The following KIAA0040 variants were observed in gnomAD, a reference collection of about 807,000 sequenced individuals.
The protein encoded by KIAA0040 is uncharacterized protein KIAA0040.
In KIAA0040, 10 loss-of-function variants were observed where a neutral mutation model predicts 7.2. The ratio of observed to expected loss-of-function variants is 1.38; its 90% CI spans 0.85 to 2.34. The LOEUF is 2.34. Among genes scored for constraint, KIAA0040 ranks in the 30% most tolerant of loss-of-function variants. KIAA0040 has a pLI of 0.00. For missense variants in KIAA0040, 89 were observed against 108.2 expected (o/e 0.82, Z 0.79); for synonymous variants, 49 against 40.1 (o/e 1.22, Z -0.84).
chr1:175,177,148 C>T (rs1227615567), intron 2 of KIAA0040, among the ~76,000 whole-genome samples: 1 of 152,206 alleles, frequency 6.6e-6, no homozygotes, highest in Non-Finnish European at 1.5e-5. Flanking sequence ...TCTCTGGGCT[C>T]TCCATGATGT....
At chr1:175,168,985 G>A (rs1158166919) in intron 2 of KIAA0040, among the ~76,000 whole-genome samples, 2 of 152,330 alleles carry the variant, frequency 1.3e-5, no homozygotes, top group East Asian at 3.9e-4. Context: ...GAGCCCTGGG[G>A]ATGGCAGAGA....
intron 2 of KIAA0040, among the ~76,000 whole-genome samples, chr1:175,172,913 C>T (rs575996848): frequency 4.3e-4 from 65 of 152,292 alleles, no homozygotes; most frequent in Non-Finnish European, 1.5e-4. Flanking sequence ...CTGTAAAGCA[C>T]TATATTTATT....
At chr1:175,188,382 G>C (rs1432169608) in intron 1 of KIAA0040, among the ~76,000 whole-genome samples, 1 of 152,166 alleles carries the variant, frequency 6.6e-6, no homozygotes, top group East Asian at 1.9e-4. Context: ...TGGCCCTGGG[G>C]ATTGTCTTTC....
intron 2 of KIAA0040, among the ~76,000 whole-genome samples, chr1:175,169,779 T>A (rs1054938629): frequency 5.3e-5 from 8 of 152,128 alleles, no homozygotes; most frequent in African/African-American, 1.9e-4. Context: ...TTAGATACAC[T>A]TCCTTCCCCT....
In KIAA0040 at chr1:175,160,660, G is replaced by T; in HGVS notation, c.*54C>A. Reference sequence around the variant, plus strand: ...TCAGGGGTTCCTGAAATGTCTGTGTGTGGTCAGAAGGAGGCTTAGCCCCAG... The same window carrying T: ...TCAGGGGTTCCTGAAATGTCTGTGTTTGGTCAGAAGGAGGCTTAGCCCCAG... On this transcript the variant is annotated 3_prime_UTR_variant, in exon 4 of 4. Coordinates refer to ENST00000423313, the MANE Select transcript of KIAA0040 (RefSeq NM_014656.3). The T allele has an allele frequency of 6.9e-7, 1 of 1,453,082 alleles. No individual in the cohort carries two copies. Among genetic ancestry groups the T allele is most frequent in the Non-Finnish European group, 9.2e-7 (1 of 1,090,452 alleles). The allele number at this position is 1,453,082 out of a possible 1,614,324, so 90.0% of individuals were successfully genotyped here.
intron 2 of KIAA0040, among the ~76,000 whole-genome samples, chr1:175,175,555 T>C (rs1677153500): frequency 6.6e-6 from 1 of 151,736 alleles, no homozygotes; most frequent in Non-Finnish European, 1.5e-5. Flanking sequence ...TAAATCATGC[T>C]GCTATAAAGA....
intron 1 of KIAA0040, among the ~76,000 whole-genome samples, chr1:175,186,592 T>C (rs1217383013): frequency 6.6e-6 from 1 of 152,212 alleles, no homozygotes; most frequent in Non-Finnish European, 1.5e-5. Context: ...AGGTGTTCTT[T>C]CCATGGCCAG....
At chr1:175,176,935 TGG>T (rs1436177646) in intron 2 of KIAA0040, among the ~76,000 whole-genome samples, 29 of 152,150 alleles carry the variant, frequency 1.9e-4, no homozygotes, top group Non-Finnish European at 2.9e-4. Flanking sequence ...CTGCTTAAGC[TGG>T]GGATTGCAGG....
intron 1 of KIAA0040, among the ~76,000 whole-genome samples, chr1:175,188,512 G>A (rs1046390212): frequency 1.8e-4 from 28 of 152,112 alleles, no homozygotes; most frequent in Admixed American, 1.5e-3. Flanking sequence ...TTATTCACCT[G>A]GAACCCTTCT....
At position 175,160,731 on chromosome 1, in the gene KIAA0040, G is replaced by A. The variant is rs940865120; in HGVS notation, c.283C>T (p.Pro95Ser). The A allele has an allele frequency of 1.9e-6, 3 of 1,548,550 alleles. No individual in the cohort carries two copies. Among genetic ancestry groups the A allele is most frequent in the Non-Finnish European group, 2.6e-6 (3 of 1,146,576 alleles). ...QPKLLQMEKR[P>S]SLPV is the part of the protein sequence containing the mutation. ...CTGCCTAACTAAACAGGCAGTGATG[G>A]TCTCTTCTCCATCTGGAGAAGCTTG... The change falls in exon 4 of 4, where the codon CCA becomes TCA. Residue 95 changes from proline to serine, a missense_variant. By Grantham distance (74) the Pro-to-Ser change is moderately conservative. Transcript: ENST00000423313.
intron 1 of KIAA0040, among the ~76,000 whole-genome samples, 176 bp from the exon 2 acceptor site, chr1:175,177,860 AGGGTCCT>A (rs1677266429): frequency 6.6e-6 from 1 of 152,244 alleles, no homozygotes; most frequent in African/African-American, 2.4e-5. Context: ...ACCTGCTCAC[AGGGTCCT>A]TAGGTAAAAG....
chr1:175,173,669 T>C (rs1026876793), intron 2 of KIAA0040, among the ~76,000 whole-genome samples: 2 of 152,216 alleles, frequency 1.3e-5, no homozygotes, highest in African/African-American at 2.4e-5. Flanking sequence ...TCTATCAACA[T>C]GTAAAAGCCT....
At chr1:175,175,365 G>C (rs1190844538) in intron 2 of KIAA0040, among the ~76,000 whole-genome samples, 1 of 151,238 alleles carries the variant, frequency 6.6e-6, no homozygotes, top group Admixed American at 6.6e-5. Context: ...TCATTAAAAA[G>C]TCAGGAAACA....
At chr1:175,180,435 T>C (rs1677391214) in intron 1 of KIAA0040, among the ~76,000 whole-genome samples, 1 of 152,242 alleles carries the variant, frequency 6.6e-6, no homozygotes, top group Admixed American at 6.5e-5. Flanking sequence ...TATCTCTAAA[T>C]AGCCAGTTTT....
At chr1:175,169,004 G>T (rs1676880761) in intron 2 of KIAA0040, among the ~76,000 whole-genome samples, 1 of 152,226 alleles carries the variant, frequency 6.6e-6, no homozygotes. Flanking sequence ...GATGGGAGGT[G>T]TTCCTGAATG....
intron 2 of KIAA0040, among the ~76,000 whole-genome samples, chr1:175,167,418 C>T (rs1286318691): frequency 6.6e-6 from 1 of 151,952 alleles, no homozygotes; most frequent in Non-Finnish European, 1.5e-5. Context: ...CAAATTAGAC[C>T]CATTGCTGTC....
chr1:175,186,148 C>G (rs994529240), intron 1 of KIAA0040, among the ~76,000 whole-genome samples: 1 of 152,150 alleles, frequency 6.6e-6, no homozygotes, highest in East Asian at 1.9e-4. Flanking sequence ...GTACTAAATG[C>G]CACTAAGCTA....
intron 3 of KIAA0040, among the ~76,000 whole-genome samples, chr1:175,162,421 A>G (rs1676582080): frequency 6.6e-6 from 1 of 151,702 alleles, no homozygotes; most frequent in East Asian, 1.9e-4. Flanking sequence ...ACCCACCCAG[A>G]CCTCTGGACA....
rs189621210 is a variant in KIAA0040 at position 175,177,102 on chromosome 1, G to A, written c.-310+509C>T. Among the ~76,000 whole-genome samples, 389 of 152,302 alleles carry A rather than the reference G, an allele frequency of 2.6e-3. 1 individual carries two copies. Among genetic ancestry groups the A allele is most frequent in the Non-Finnish European group, 4.7e-3 (322 of 68,032 alleles). On this transcript the variant is annotated intron_variant, in intron 2 of 3. Transcript: ENST00000423313. The stretch of plus-strand genomic sequence containing the variant: ...GCACTTAAGGCCACTGGGAGGTAGG[G>A]GGGATGGTGGGAGAGGCCAGGGAAC...
Sources: gnomAD v4.1 joint callset for allele counts (sites outside exome capture counted in the v4.1 genomes callset) on GRCh38, gnomAD v4.1.1 for gene constraint, MANE v1.5 for transcripts, NCBI Gene and HGNC (gene_info 2026-07-23, HGNC 2026-07-21) for gene names.